The following AIG1 variants were observed in gnomAD, a reference collection of about 807,000 sequenced individuals.
AIG1 encodes the protein androgen-induced gene 1 protein.
A neutral mutation model predicts 31.4 loss-of-function variants in AIG1; 23 were observed. The ratio of observed to expected loss-of-function variants is 0.73; its 90% CI spans 0.53 to 1.04. The LOEUF is 1.04. Among genes scored for constraint, AIG1 ranks in the 50% least tolerant of loss-of-function variants. The probability of loss-of-function intolerance (pLI) is 0.00; values close to 1 mark genes in which losing one functional copy is unlikely to be tolerated. For synonymous variants in AIG1, 100 were observed against 110.5 expected (o/e 0.90, Z 0.60); for missense variants, 274 against 295.0 (o/e 0.93, Z 0.52).
chr6:143,118,234 T>C (rs1191941113), intron 1 of AIG1, among the ~76,000 whole-genome samples: 1 of 151,898 alleles, frequency 6.6e-6, no homozygotes, highest in Non-Finnish European at 1.5e-5. Flanking sequence ...GCCAAGGCAG[T>C]CAGATCATGA....
chr6:143,237,213 C>G (rs1205238636), intron 3 of AIG1, among the ~76,000 whole-genome samples: 1 of 152,174 alleles, frequency 6.6e-6, no homozygotes, highest in Non-Finnish European at 1.5e-5. Context: ...GTCACACATC[C>G]ATTAGCAATC....
At chr6:143,311,597 A>T (rs1441197125) in intron 4 of AIG1, among the ~76,000 whole-genome samples, 1 of 151,922 alleles carries the variant, frequency 6.6e-6, no homozygotes, top group Non-Finnish European at 1.5e-5. Context: ...GAATTTGATA[A>T]AATCCAACAT....
chr6:143,135,266 T>C (rs2128519440), intron 1 of AIG1, among the ~76,000 whole-genome samples: 1 of 152,220 alleles, frequency 6.6e-6, no homozygotes, highest in Non-Finnish European at 1.5e-5. Flanking sequence ...TATTCTCCTC[T>C]GGTAGGGTCA....
intron 3 of AIG1, among the ~76,000 whole-genome samples, chr6:143,199,918 G>GCTTTTGACAGATGGAAGT (rs1790554658): frequency 6.6e-6 from 1 of 151,508 alleles, no homozygotes; most frequent in Non-Finnish European, 1.5e-5. Flanking sequence ...TTTAAAGGAA[G>GCTTTTGACAGATGGAAGT]GGTAGGCTTT....
intron 1 of AIG1, among the ~76,000 whole-genome samples, chr6:143,086,599 C>T (rs1045351803): frequency 6.6e-6 from 1 of 152,148 alleles, no homozygotes; most frequent in Non-Finnish European, 1.5e-5. Flanking sequence ...AGGGACAAGA[C>T]ACCCTGGGTT....
chr6:143,168,787 G>C (rs540476210), intron 3 of AIG1, among the ~76,000 whole-genome samples: 28 of 152,072 alleles, frequency 1.8e-4, no homozygotes, highest in Admixed American at 1.6e-3. Flanking sequence ...TGAGTGACAG[G>C]AGTGAGACCC....
At chr6:143,242,863 C>T (rs564413741) in intron 3 of AIG1, among the ~76,000 whole-genome samples, 5 of 152,264 alleles carry the variant, frequency 3.3e-5, no homozygotes, top group South Asian at 2.1e-4. Context: ...ATCATGGCTG[C>T]GGATATGCCC....
At chr6:143,150,615 C>T (rs1785126284) in intron 2 of AIG1, among the ~76,000 whole-genome samples, 2 of 152,006 alleles carry the variant, frequency 1.3e-5, no homozygotes, top group South Asian at 4.2e-4. Flanking sequence ...TGTCCTATCG[C>T]AAGAAAATGC....
chr6:143,210,539 A>G (rs1445008748), intron 3 of AIG1, among the ~76,000 whole-genome samples: 1 of 152,202 alleles, frequency 6.6e-6, no homozygotes, highest in Non-Finnish European at 1.5e-5. Flanking sequence ...AGAAAATTTG[A>G]ATTAGAAAAC....
intron 5 of AIG1, among the ~76,000 whole-genome samples, chr6:143,335,899 G>A: frequency 6.9e-6 from 1 of 145,754 alleles, no homozygotes; most frequent in East Asian, 2.0e-4. Flanking sequence ...AGTGAGCCAA[G>A]ATCGTGCCAC....
intron 4 of AIG1, among the ~76,000 whole-genome samples, chr6:143,332,064 G>A (rs1407670509): frequency 6.6e-6 from 1 of 151,832 alleles, no homozygotes. Context: ...TAGAGATGGG[G>A]TTTCGCCATG....
At chr6:143,193,226 T>C (rs374856694) in intron 3 of AIG1, among the ~76,000 whole-genome samples, 1 of 152,240 alleles carries the variant, frequency 6.6e-6, no homozygotes, top group Non-Finnish European at 1.5e-5. Flanking sequence ...CACCTGATAC[T>C]GATATGTTCC....
rs1235017540 is a variant in AIG1 at position 143,268,021 on chromosome 6, T to C, written c.400-16089T>C. ...GTTTCTTTGATTTGGCTGAACTCTG[T>C]GAGCACAATGTTGTAATACTGTTGA... On this transcript the variant is annotated intron_variant, in intron 3 of 5. Transcript: ENST00000357847. The surrounding 1 kb of genome is among the most constrained non-coding windows in gnomAD (Gnocchi z 5.0). Among the ~76,000 whole-genome samples, 1 of 152,212 alleles carries C rather than the reference T, an allele frequency of 6.6e-6. No homozygotes were observed. Among genetic ancestry groups the C allele is most frequent in the Non-Finnish European group, 1.5e-5 (1 of 68,028 alleles).
intron 4 of AIG1, among the ~76,000 whole-genome samples, chr6:143,320,255 A>G (rs1235047106): frequency 6.6e-6 from 1 of 152,222 alleles, no homozygotes; most frequent in African/African-American, 2.4e-5. Context: ...GAACCCTTGT[A>G]CACTGTTGAT....
chr6:143,274,908 G>C (rs1437819749), intron 3 of AIG1, among the ~76,000 whole-genome samples: 2 of 152,178 alleles, frequency 1.3e-5, no homozygotes, highest in African/African-American at 4.8e-5. Context: ...AGTGGGAAAT[G>C]TCTAGTATAA....
chr6:143,214,495 A>G (rs1030843057), intron 3 of AIG1, among the ~76,000 whole-genome samples: 1 of 152,196 alleles, frequency 6.6e-6, no homozygotes, highest in Non-Finnish European at 1.5e-5. Context: ...TTGTGCAACA[A>G]TACAAGGTCA....
chr6:143,290,312 G>T (rs1371979429), intron 4 of AIG1, among the ~76,000 whole-genome samples: 1 of 152,242 alleles, frequency 6.6e-6, no homozygotes, highest in Non-Finnish European at 1.5e-5. Context: ...CAAGTGTGCA[G>T]TTTGACCCTT....
chr6:143,207,734 A>T (rs893490127), intron 3 of AIG1, among the ~76,000 whole-genome samples: 4 of 152,150 alleles, frequency 2.6e-5, no homozygotes, highest in Non-Finnish European at 5.9e-5. Flanking sequence ...TATAAAATCA[A>T]TGAGTTTGTG....
intron 3 of AIG1, among the ~76,000 whole-genome samples, chr6:143,243,159 C>G (rs1315082405): frequency 6.6e-6 from 1 of 152,136 alleles, no homozygotes; most frequent in Non-Finnish European, 1.5e-5. Context: ...ATCCTTGGTC[C>G]AACTTCTTTT....
Sources: gnomAD v4.1 joint callset for allele counts (sites outside exome capture counted in the v4.1 genomes callset) on GRCh38, gnomAD v4.1.1 for gene constraint, Gnocchi (gnomAD v3.1) non-coding constraint, MANE v1.5 for transcripts, NCBI Gene and HGNC (gene_info 2026-07-23, HGNC 2026-07-21) for gene names.